Variants in DISC1 observed in about 807,000 individuals in gnomAD.
The protein encoded by DISC1 is DISC1 scaffold protein.
A neutral mutation model predicts 84.5 loss-of-function variants in DISC1; 57 were observed. That is an observed-to-expected ratio of 0.67 (90% CI 0.55 to 0.84). The LOEUF (loss-of-function observed/expected upper bound fraction) is 0.84. Ranked by LOEUF, DISC1 falls within the 40% of genes least tolerant of loss-of-function variation. The probability of loss-of-function intolerance (pLI) is 0.00; values close to 1 mark genes in which losing one functional copy is unlikely to be tolerated. For missense variants in DISC1, 1,000 were observed against 1,057.8 expected, an observed-to-expected ratio of 0.95 and a Z score of 0.76; for synonymous variants, 411 against 415.2, an observed-to-expected ratio of 0.99 and a Z score of 0.12.
intron 10 of DISC1, among the ~76,000 whole-genome samples, chr1:231,985,210 C>A (rs1465673186): frequency 6.6e-6 from 1 of 151,740 alleles, no homozygotes; most frequent in African/African-American, 2.4e-5. Context: ...CCTGTAATCC[C>A]AGCTACTTGG....
Position 231,966,266 on chromosome 1 carries a change from G to A in DISC1, c.2042+7378G>A, listed in dbSNP as rs79620654. 5.4e-3 allele frequency among the ~76,000 whole-genome samples: 820 copies of A among 152,230 alleles called. 9 individuals are homozygous for A. Among genetic ancestry groups the A allele is most frequent in the African/African-American group, 0.019 (775 of 41,540 alleles). Reference sequence around the variant, plus strand: ...GGTATATAATAGAATAGAAAAAAACGACTCTTAAAGAGCTTGACCCACTTA... The same window carrying A: ...GGTATATAATAGAATAGAAAAAAACAACTCTTAAAGAGCTTGACCCACTTA... On this transcript the variant is annotated intron_variant, in intron 10 of 12. Coordinates refer to ENST00000439617, the MANE Select transcript of DISC1 (RefSeq NM_018662.3).
At chr1:231,778,633 T>C (rs2077144797) in intron 6 of DISC1, among the ~76,000 whole-genome samples, 1 of 152,054 alleles carries the variant, frequency 6.6e-6, no homozygotes. Flanking sequence ...AAGTCGTCAT[T>C]ACAGGCAACG....
At chr1:231,724,676 A>G (rs2125128265) in intron 3 of DISC1, among the ~76,000 whole-genome samples, 1 of 152,308 alleles carries the variant, frequency 6.6e-6, no homozygotes, top group East Asian at 1.9e-4. Flanking sequence ...AGTCTTCAAT[A>G]GGAGACCTGG....
At chr1:231,795,849 A>C (rs2078719377) in intron 7 of DISC1, among the ~76,000 whole-genome samples, 1 of 152,140 alleles carries the variant, frequency 6.6e-6, no homozygotes, top group Admixed American at 6.6e-5. Flanking sequence ...AGATTGCACC[A>C]TTGCATTCCA....
chr1:231,970,147 T>C (rs946828463), intron 10 of DISC1, among the ~76,000 whole-genome samples: 4 of 152,230 alleles, frequency 2.6e-5, no homozygotes, highest in African/African-American at 9.6e-5. Flanking sequence ...ATGGTATTTC[T>C]AGTTCTAGAT....
intron 10 of DISC1, among the ~76,000 whole-genome samples, chr1:231,974,378 TACTG>T (rs1431207978): frequency 6.6e-6 from 1 of 152,232 alleles, no homozygotes; most frequent in African/African-American, 2.4e-5. Flanking sequence ...CGGACCATTT[TACTG>T]GTCTTTTTTT....
intron 9 of DISC1, among the ~76,000 whole-genome samples, chr1:231,935,247 C>T (rs535032215): frequency 3.3e-5 from 5 of 152,192 alleles, no homozygotes; most frequent in African/African-American, 1.2e-4. Context: ...TGGGGTGGGT[C>T]CCCCGCATTT....
At chr1:231,818,647 CT>C (rs2081267396) in intron 9 of DISC1, 130 bp downstream of exon 9, 1 of 1,462,430 alleles carries the variant, frequency 6.8e-7, no homozygotes, top group African/African-American at 1.4e-5. Context: ...GGCCCTTTTC[CT>C]TGGGGACATT....
chr1:231,690,326 G>T (rs1051680102), intron 1 of DISC1, among the ~76,000 whole-genome samples: 1 of 152,176 alleles, frequency 6.6e-6, no homozygotes, highest in Non-Finnish European at 1.5e-5. Flanking sequence ...GCTGCGCCAG[G>T]CTCCCTTTCC....
chr1:231,804,887 G>A (rs2079579240), intron 8 of DISC1, among the ~76,000 whole-genome samples: 1 of 152,144 alleles, frequency 6.6e-6, no homozygotes, highest in South Asian at 2.1e-4. Context: ...ATTAAAACCA[G>A]ACTTTAGGAA....
At chr1:231,783,208 G>T (rs2077566941) in intron 6 of DISC1, among the ~76,000 whole-genome samples, 1 of 152,174 alleles carries the variant, frequency 6.6e-6, no homozygotes, top group African/African-American at 2.4e-5. Flanking sequence ...TAGAGCCCAA[G>T]TACTGAAATC....
intron 1 of DISC1, among the ~76,000 whole-genome samples, chr1:231,674,430 T>C (rs2062940514): frequency 6.6e-6 from 1 of 152,252 alleles, no homozygotes; most frequent in African/African-American, 2.4e-5. Context: ...TGCTATCAAT[T>C]GTAGAAAGTA....
intron 6 of DISC1, among the ~76,000 whole-genome samples, chr1:231,793,579 G>A (rs9432000): frequency 0.098 from 14,900 of 152,176 alleles, 842 homozygotes; most frequent in East Asian, 0.27. Context: ...TGGACCCCAT[G>A]ACGGGCTTAC....
At chr1:232,014,355 A>T (rs1358069592) in intron 11 of DISC1, among the ~76,000 whole-genome samples, 7 of 152,192 alleles carry the variant, frequency 4.6e-5, no homozygotes, top group Admixed American at 4.6e-4. Flanking sequence ...ACAAGGGAAA[A>T]ATGTTCACTT....
intron 9 of DISC1, among the ~76,000 whole-genome samples, chr1:231,929,943 A>T (rs1051779637): frequency 4.6e-5 from 7 of 152,094 alleles, no homozygotes; most frequent in African/African-American, 4.8e-5. Context: ...CTAATATGAC[A>T]CTAGGAGCCT....
chr1:231,800,662 G>T (rs761327974), intron 8 of DISC1, among the ~76,000 whole-genome samples: 1 of 152,116 alleles, frequency 6.6e-6, no homozygotes, highest in Non-Finnish European at 1.5e-5. Context: ...TTAAGGAATT[G>T]ATTTTTCCAT....
intron 9 of DISC1, among the ~76,000 whole-genome samples, chr1:231,889,888 A>G (rs571322132): frequency 6.6e-6 from 1 of 152,214 alleles, no homozygotes; most frequent in Admixed American, 6.5e-5. Flanking sequence ...CTCAAAAATT[A>G]CCTTCACAAA....
At chr1:231,963,893 G>C (rs1053809106) in intron 10 of DISC1, among the ~76,000 whole-genome samples, 2 of 152,110 alleles carry the variant, frequency 1.3e-5, no homozygotes, top group Non-Finnish European at 2.9e-5. Flanking sequence ...GGGGCTGCAT[G>C]CACTGGTAAT....
intron 3 of DISC1, among the ~76,000 whole-genome samples, chr1:231,722,338 A>G (rs140179201): frequency 4.9e-4 from 75 of 152,278 alleles, no homozygotes; most frequent in Non-Finnish European, 6.5e-4. Flanking sequence ...TGGAATGACC[A>G]TGGTATTTGA....
Sources: allele counts gnomAD v4.1 joint callset (sites outside exome capture counted in the v4.1 genomes callset), GRCh38; gene constraint gnomAD v4.1.1; transcripts MANE v1.5; gene names NCBI Gene and HGNC (gene_info 2026-07-23, HGNC 2026-07-21).